The following RDH11 variants were observed in gnomAD, a reference collection of about 807,000 sequenced individuals.
The protein encoded by RDH11 is HCV core-binding protein HCBP12.
Under a neutral mutation model 33.4 loss-of-function variants are expected in RDH11, and 19 were observed. The ratio of observed to expected loss-of-function variants is 0.57; its 90% CI spans 0.40 to 0.83. RDH11 has a LOEUF of 0.83. RDH11 is among the 40% of genes least tolerant of loss of function. The pLI, the probability that RDH11 is intolerant of heterozygous loss-of-function variation, is 0.00. For missense variants in RDH11, 353 were observed against 389.0 expected (o/e 0.91, Z 0.78); for synonymous variants, 154 against 155.3 (o/e 0.99, Z 0.06).
At chr14:67,695,422 C>A (rs936217810) in intron 1 of RDH11, among the ~76,000 whole-genome samples, 7 of 152,228 alleles carry the variant, frequency 4.6e-5, no homozygotes, top group African/African-American at 1.7e-4. Context: ...GTGCCCCGGA[C>A]TGCCGCCCTT....
chr14:67,685,079 C>A lies in RDH11; in HGVS notation c.790G>T (p.Ala264Ser), dbSNP rs758243239. 5.6e-6 allele frequency: 9 copies of A among 1,614,116 alleles called. No individual in the cohort carries two copies. In the Admixed American group the frequency reaches 1.5e-4, roughly 27 times the overall value. Residue 264 changes from alanine to serine, a missense_variant, in exon 6 of 7, where the codon GCC becomes TCC. Coordinates refer to ENST00000381346, the MANE Select transcript of RDH11 (RefSeq NM_016026.4). ...AAGGCACAGTGCAGGCTGGTCTGGGCTCCCTGCTGAGGAGTCTTGATGAAA... is the reference window on the plus strand; with the variant it reads ...AAGGCACAGTGCAGGCTGGTCTGGGATCCCTGCTGAGGAGTCTTGATGAAA... ...SFFIKTPQQGAQTSLHCALTE... is the reference protein window; with the variant it reads ...SFFIKTPQQGSQTSLHCALTE...
chr14:67,684,191 AT>A (rs1461175187), intron 6 of RDH11, among the ~76,000 whole-genome samples: 1 of 152,242 alleles, frequency 6.6e-6, no homozygotes, highest in East Asian at 1.9e-4. Context: ...CAAGGCTGGC[AT>A]TATAGGCCTC....
chr14:67,678,202 C>A lies in RDH11; in HGVS notation c.*119G>T. ...TTAACTGGACACCAAGCAGGCAAGG[C>A]TGGAAGGTTTTGCTCTCTTTGTGCT... is the stretch of plus-strand genomic sequence containing the variant. On this transcript the variant is annotated 3_prime_UTR_variant, in exon 7 of 7. Coordinates refer to ENST00000381346, the MANE Select transcript of RDH11 (RefSeq NM_016026.4). 1.5e-6 allele frequency: 1 copy of A among 675,892 alleles called. No homozygotes were observed. Among genetic ancestry groups the A allele is most frequent in the Non-Finnish European group, 2.6e-6 (1 of 378,060 alleles). The allele number at this position is 675,892 out of a possible 1,614,324, so 41.9% of individuals were successfully genotyped here. A position where few individuals can be genotyped will look rare whatever the true frequency, so the allele number is the denominator to read the frequency against.
At chr14:67,680,886 A>G (rs2037607332) in intron 6 of RDH11, among the ~76,000 whole-genome samples, 1 of 152,280 alleles carries the variant, frequency 6.6e-6, no homozygotes, top group African/African-American at 2.4e-5. Flanking sequence ...ACAATGCTAT[A>G]GTAATCAAGA....
rs1452691669 is a variant in RDH11 at position 67,677,057 on chromosome 14, A to G, written c.*1264T>C. The G allele has an allele frequency of 6.6e-6, 1 of 152,200 alleles. No homozygotes were observed. The highest frequency in any genetic ancestry group is 2.1e-4 in the South Asian group (1 of 4,830). 9.4% of individuals were successfully genotyped at this position (152,200 alleles called of 1,614,324 possible). ...TATCAGAAGTGAAGACTGTGGTCCT[A>G]TAACTCTTTCCCCCACCAAAGTTAA... On this transcript the variant is annotated 3_prime_UTR_variant, in exon 7 of 7. Coordinates refer to ENST00000381346, the MANE Select transcript of RDH11 (RefSeq NM_016026.4).
At chr14:67,681,706 C>T (rs967344737) in intron 6 of RDH11, among the ~76,000 whole-genome samples, 1 of 152,088 alleles carries the variant, frequency 6.6e-6, no homozygotes, top group African/African-American at 2.4e-5. Context: ...TGCTTGAACC[C>T]AGGAGGCGGA....
At chr14:67,679,399 T>C (rs1002965126) in intron 6 of RDH11, among the ~76,000 whole-genome samples, 2 of 150,854 alleles carry the variant, frequency 1.3e-5, no homozygotes, top group African/African-American at 4.9e-5. Context: ...TGTAATTAAT[T>C]CCAAGTTTTT....
rs1231814480 is a variant in RDH11 at position 67,677,337 on chromosome 14, G to GT, written c.*983dup. On this transcript the variant is annotated 3_prime_UTR_variant, in exon 7 of 7. Coordinates refer to ENST00000381346, the MANE Select transcript of RDH11 (RefSeq NM_016026.4). Reference sequence around the variant, plus strand: ...AGATAATTTTTCTGAATGAAGAATTGTTTTTTTTGTTTGTTTGTTTTTAGG... The same window carrying GT: ...AGATAATTTTTCTGAATGAAGAATTGTTTTTTTTTGTTTGTTTGTTTTTAGG... 1.1e-3 allele frequency: 25 copies of GT among 23,450 alleles called. No individual in the cohort carries two copies. Among genetic ancestry groups the GT allele is most frequent in the South Asian group, 3.0e-3 (2 of 656 alleles). 1.5% of individuals were successfully genotyped at this position (23,450 alleles called of 1,614,324 possible).
chr14:67,692,343 CCACT>C lies in RDH11; in HGVS notation c.349+91_349+94del, dbSNP rs1441827873. On this transcript the variant is annotated intron_variant, in intron 3 of 6. Transcript: ENST00000381346. ...GAAGTTTTTGGCTATATTTTATCCA[CCACT>C]TCTATGAGGAAGAGGGACCTTTTCC... 2.2e-6 allele frequency: 3 copies of C among 1,348,070 alleles called. No individual in the cohort carries two copies. The African/African-American group carries it at 4.4e-5, about 20-fold the overall frequency. 83.5% of individuals were successfully genotyped at this position (1,348,070 alleles called of 1,614,324 possible).
chr14:67,692,788 T>C (rs1478786768), intron 2 of RDH11, 146 bp downstream of exon 2: 2 of 862,500 alleles, frequency 2.3e-6, no homozygotes, highest in Non-Finnish European at 3.7e-6. Flanking sequence ...ATGTAGAGCA[T>C]AGTACTAGTT....
Position 67,695,587 on chromosome 14 carries a change from C to T in RDH11, c.74+43G>A, listed in dbSNP as rs376877079. The T allele has an allele frequency of 9.9e-5, 155 of 1,572,392 alleles. 1 individual carries two copies. In the African/African-American group the frequency reaches 1.8e-3, roughly 18 times the overall value. ...GGGATTCTATGTTTCCCTCCCGCCCCGCAACAAGAATTCTCAAGAGAAGGC... is the reference window on the plus strand; with the variant it reads ...GGGATTCTATGTTTCCCTCCCGCCCTGCAACAAGAATTCTCAAGAGAAGGC... On this transcript the variant is annotated intron_variant, in intron 1 of 6. Coordinates refer to ENST00000381346, the MANE Select transcript of RDH11 (RefSeq NM_016026.4).
chr14:67,685,742 A>G (rs2037670151), intron 5 of RDH11, among the ~76,000 whole-genome samples: 1 of 151,934 alleles, frequency 6.6e-6, no homozygotes, highest in East Asian at 1.9e-4. Context: ...CAGCCTCCCA[A>G]GTAGCTGGGA....
intron 6 of RDH11, among the ~76,000 whole-genome samples, chr14:67,678,768 T>C (rs956773841): frequency 3.9e-5 from 6 of 152,108 alleles, no homozygotes; most frequent in Non-Finnish European, 1.5e-5. Context: ...AGGCCCATTC[T>C]ACAGAGCCTT....
intron 6 of RDH11, among the ~76,000 whole-genome samples, chr14:67,684,195 T>C (rs1194497347): frequency 1.3e-5 from 2 of 152,242 alleles, no homozygotes; most frequent in Non-Finnish European, 2.9e-5. Context: ...GCTGGCATTA[T>C]AGGCCTCTCA....
At chr14:67,683,997 T>C (rs547249164) in intron 6 of RDH11, among the ~76,000 whole-genome samples, 1 of 152,360 alleles carries the variant, frequency 6.6e-6, no homozygotes, top group East Asian at 1.9e-4. Context: ...CATCCCCTCA[T>C]TTAATTAATC....
At chr14:67,691,582 A>C (rs963817116) in intron 3 of RDH11, 1 of 223,292 alleles carries the variant, frequency 4.5e-6, no homozygotes, top group Non-Finnish European at 8.9e-6. Flanking sequence ...AAGCAAGAGA[A>C]AAAAGAATGT....
At chr14:67,694,095 T>C (rs1354652559) in intron 1 of RDH11, among the ~76,000 whole-genome samples, 1 of 152,222 alleles carries the variant, frequency 6.6e-6, no homozygotes, top group Admixed American at 6.5e-5. Context: ...GACCAGGAGA[T>C]GCATTCTTAA....
At chr14:67,689,598 T>C (rs2037723317) in intron 5 of RDH11, among the ~76,000 whole-genome samples, 1 of 152,174 alleles carries the variant, frequency 6.6e-6, no homozygotes, top group Non-Finnish European at 1.5e-5. Context: ...GAATTAATTA[T>C]GACAATAAAC....
intron 4 of RDH11, 41 bp from the exon 5 acceptor site, chr14:67,690,462 T>C: frequency 1.9e-6 from 3 of 1,566,812 alleles, no homozygotes; most frequent in Non-Finnish European, 2.6e-6. Context: ...CAGGGCCATG[T>C]AGGAATGACA....
Sources: gnomAD v4.1 joint callset for allele counts (sites outside exome capture counted in the v4.1 genomes callset) on GRCh38, gnomAD v4.1.1 for gene constraint, MANE v1.5 for transcripts, NCBI Gene and HGNC (gene_info 2026-07-23, HGNC 2026-07-21) for gene names.